KDM4C: variants seen among roughly 807,000 people sequenced by gnomAD.
The protein encoded by KDM4C is lysine-specific demethylase 4C.
A neutral mutation model predicts 129.3 loss-of-function variants in KDM4C; 81 were observed. The observed-to-expected ratio is 0.63, with a 90% CI of 0.52 to 0.75. KDM4C has a LOEUF of 0.75. Ranked by LOEUF, KDM4C falls within the 30% of genes least tolerant of loss-of-function variation. The probability of loss-of-function intolerance (pLI) is 0.00; values close to 1 mark genes in which losing one functional copy is unlikely to be tolerated. For synonymous variants in KDM4C, 573 were observed against 456.1 expected (o/e 1.26, Z -3.26); for missense variants, 1,457 against 1,304.0 (o/e 1.12, Z -1.81).
intron 18 of KDM4C, among the ~76,000 whole-genome samples, chr9:7,118,433 A>G (rs1160366153): frequency 6.6e-6 from 1 of 152,224 alleles, no homozygotes; most frequent in African/African-American, 2.4e-5. Flanking sequence ...ATTTACAAAG[A>G]AAGCTTTCAC....
In KDM4C at chr9:6,758,931, G is replaced by A. The variant is rs1045859918; in HGVS notation, c.-18+728G>A. Among the ~76,000 whole-genome samples the A allele has an allele frequency of 1.3e-5, 2 of 152,218 alleles. No individual in the cohort carries two copies. Among genetic ancestry groups the A allele is most frequent in the East Asian group, 1.9e-4 (1 of 5,196 alleles). ...GCAGGAGCTTGGGGTTTTCCTCTGT[G>A]CTCCGCCAGTAAAGCCAGCAGCCGG... On this transcript the variant is annotated intron_variant, in intron 1 of 21. Transcript: ENST00000381309. The surrounding 1 kb of genome is among the most constrained non-coding windows in gnomAD (Gnocchi z 4.6).
intron 2 of KDM4C, among the ~76,000 whole-genome samples, chr9:6,795,128 A>G (rs1827476334): frequency 6.6e-6 from 1 of 152,170 alleles, no homozygotes; most frequent in Admixed American, 6.5e-5. Context: ...ACTTATGTAA[A>G]GGGTTCTCCT....
At chr9:7,167,794 C>G (rs1332539394) in intron 20 of KDM4C, among the ~76,000 whole-genome samples, 2 of 152,216 alleles carry the variant, frequency 1.3e-5, no homozygotes, top group African/African-American at 2.4e-5. Context: ...AATGCATTGG[C>G]ACAGATGTGG....
chr9:7,015,038 A>G (rs1586921863), intron 14 of KDM4C, among the ~76,000 whole-genome samples: 1 of 152,026 alleles, frequency 6.6e-6, no homozygotes, highest in Non-Finnish European at 1.5e-5. Context: ...TGTAGCAGCT[A>G]TGCAGTGTAG....
intron 19 of KDM4C, among the ~76,000 whole-genome samples, chr9:7,154,268 ATC>A (rs1398982219): frequency 1.3e-5 from 2 of 152,238 alleles, no homozygotes; most frequent in Non-Finnish European, 2.9e-5. Context: ...GCAGGTGATT[ATC>A]TCTGGAAACG....
chr9:6,828,066 A>G (rs896739658), intron 4 of KDM4C, among the ~76,000 whole-genome samples: 1 of 152,172 alleles, frequency 6.6e-6, no homozygotes, highest in Non-Finnish European at 1.5e-5. Context: ...GTTAAAGCCC[A>G]TGTGGTTGTT....
At chr9:7,108,929 T>C (rs1838009379) in intron 18 of KDM4C, among the ~76,000 whole-genome samples, 1 of 152,232 alleles carries the variant, frequency 6.6e-6, no homozygotes, top group African/African-American at 2.4e-5. Context: ...AGTACACTTT[T>C]ATGTGAATTT....
rs1211581319 is a variant in KDM4C, at chr9:7,066,139, TA to T, written c.2424+16940del. ...ATTTTAATGGTTTTGAGAAAAATTA[TA>T]GAATAAAGGTCACTTTTTTCTTTCA... On this transcript the variant is annotated intron_variant, in intron 17 of 21. Transcript: ENST00000381309. Among the ~76,000 whole-genome samples the T allele has an allele frequency of 3.3e-5, 5 of 152,364 alleles. No individual in the cohort carries two copies. In the South Asian group the frequency reaches 1.0e-3, roughly 32 times the overall value.
chr9:6,827,435 G>A (rs1312850431), intron 4 of KDM4C, among the ~76,000 whole-genome samples: 1 of 152,200 alleles, frequency 6.6e-6, no homozygotes. Context: ...ACCTGTTGGT[G>A]AGGCATGGGA....
chr9:7,117,859 A>G (rs1411960327), intron 18 of KDM4C, among the ~76,000 whole-genome samples: 1 of 152,210 alleles, frequency 6.6e-6, no homozygotes, highest in Non-Finnish European at 1.5e-5. Context: ...AGCTCATGCC[A>G]GGTTTTAGCT....
intron 17 of KDM4C, among the ~76,000 whole-genome samples, chr9:7,101,638 G>T (rs1219051661): frequency 2.0e-5 from 3 of 152,212 alleles, no homozygotes; most frequent in African/African-American, 7.2e-5. Flanking sequence ...TCCAAAGATT[G>T]AATCCTCTCT....
chr9:6,984,142 G>T, intron 9 of KDM4C, 24 bp from the exon 10 acceptor site: 1 of 1,513,248 alleles, frequency 6.6e-7, no homozygotes, highest in South Asian at 1.1e-5. Flanking sequence ...ATCCCGCTCT[G>T]ACCACTGCTT....
At chr9:6,753,715 G>A (rs1818147690), upstream of KDM4C, among the ~76,000 whole-genome samples, 1 of 152,150 alleles carries the variant, frequency 6.6e-6, no homozygotes, top group South Asian at 2.1e-4. Context: ...AGAGAGAAGA[G>A]GATGAACCCA....
intron 17 of KDM4C, among the ~76,000 whole-genome samples, chr9:7,089,151 T>C (rs1314946026): frequency 6.6e-6 from 1 of 152,258 alleles, no homozygotes; most frequent in Non-Finnish European, 1.5e-5. Context: ...CATTTTTTTC[T>C]AGGTAAATGT....
intron 1 of KDM4C, among the ~76,000 whole-genome samples, chr9:6,750,453 AGCTCTTCACGAGGC>A: frequency 6.6e-6 from 1 of 150,582 alleles, no homozygotes; most frequent in African/African-American, 2.4e-5. Context: ...AAAAAAAAAA[AGCTCTTCACGAGGC>A]AAAAGCACTT....
chr9:7,114,707 T>C (rs1451230575), intron 18 of KDM4C, among the ~76,000 whole-genome samples: 1 of 152,134 alleles, frequency 6.6e-6, no homozygotes, highest in Non-Finnish European at 1.5e-5. Context: ...TTGTCAGTGC[T>C]CTGTTTTATG....
At chr9:6,865,895 C>T (rs900461392) in intron 5 of KDM4C, among the ~76,000 whole-genome samples, 21 of 152,028 alleles carry the variant, frequency 1.4e-4, no homozygotes, top group Non-Finnish European at 1.9e-4. Flanking sequence ...GGACTACAGG[C>T]GCCCGCCACC....
At chr9:7,038,526 A>C (rs1828028598) in intron 15 of KDM4C, among the ~76,000 whole-genome samples, 1 of 152,030 alleles carries the variant, frequency 6.6e-6, no homozygotes, top group Admixed American at 6.6e-5. Context: ...TTGAAATTTT[A>C]AGCTTTGTTA....
chr9:6,783,922 G>C (rs976566875), intron 1 of KDM4C, among the ~76,000 whole-genome samples: 2 of 152,188 alleles, frequency 1.3e-5, no homozygotes, highest in Non-Finnish European at 2.9e-5. Flanking sequence ...TCTGTGAGAG[G>C]CTGGGGAGAG....
Sources: allele counts gnomAD v4.1 joint callset (sites outside exome capture counted in the v4.1 genomes callset), GRCh38; gene constraint gnomAD v4.1.1; non-coding constraint Gnocchi (gnomAD v3.1); transcripts MANE v1.5; gene names NCBI Gene and HGNC (gene_info 2026-07-23, HGNC 2026-07-21).